PTPN2: variants seen among roughly 807,000 people sequenced by gnomAD.
PTPN2 encodes tyrosine-protein phosphatase non-receptor type 2.
A neutral mutation model predicts 57.3 loss-of-function variants in PTPN2; 19 were observed. That is an observed-to-expected ratio of 0.33 (90% confidence interval 0.23 to 0.49). The LOEUF is 0.49. PTPN2 is among the 20% of genes least tolerant of loss of function. The pLI, the probability that PTPN2 is intolerant of heterozygous loss-of-function variation, is 0.99. For missense variants in PTPN2, 358 were observed against 501.1 expected (o/e 0.71, Z 2.73); for synonymous variants, 153 against 164.9 (o/e 0.93, Z 0.55).
In PTPN2 at chr18:12,867,582, T is replaced by A. The variant is rs946409152; in HGVS notation, c.70-8328A>T. Among the ~76,000 whole-genome samples the A allele has an allele frequency of 7.9e-5, 12 of 152,310 alleles. No individual in the cohort carries two copies. In the South Asian group the frequency reaches 2.5e-3, roughly 32 times the overall value. Reference sequence around the variant, plus strand: ...ATATGTGCCAAGTCTTCATCGGAACTGGGTTAGCTTCTCCATTTGAGTCTT... The same window carrying A: ...ATATGTGCCAAGTCTTCATCGGAACAGGGTTAGCTTCTCCATTTGAGTCTT... On this transcript the variant is annotated intron_variant, in intron 1 of 8. Coordinates refer to ENST00000309660, the MANE Select transcript of PTPN2 (RefSeq NM_002828.4).
At chr18:12,876,149 A>G (rs2044479595) in intron 1 of PTPN2, among the ~76,000 whole-genome samples, 1 of 150,010 alleles carries the variant, frequency 6.7e-6, no homozygotes, top group South Asian at 2.1e-4. Flanking sequence ...CCTGTCTCAA[A>G]AAACAAAACA....
chr18:12,855,863 T>A (rs1291589044), intron 2 of PTPN2, among the ~76,000 whole-genome samples: 1 of 152,188 alleles, frequency 6.6e-6, no homozygotes, highest in Non-Finnish European at 1.5e-5. Context: ...TATTAATAGT[T>A]AGGTTAGAGG....
At chr18:12,797,886 T>G (rs527585069) in intron 8 of PTPN2, among the ~76,000 whole-genome samples, 5 of 152,082 alleles carry the variant, frequency 3.3e-5, no homozygotes, top group Admixed American at 6.5e-5. Context: ...CCCACCACAT[T>G]TGGCGGATTT....
At chr18:12,868,120 A>G (rs1280188839) in intron 1 of PTPN2, among the ~76,000 whole-genome samples, 1 of 152,250 alleles carries the variant, frequency 6.6e-6, no homozygotes, top group African/African-American at 2.4e-5. Flanking sequence ...GCTTGTTCTT[A>G]CCACTGCGCT....
intron 1 of PTPN2, among the ~76,000 whole-genome samples, chr18:12,878,296 G>T (rs1414889933): frequency 6.7e-6 from 1 of 150,324 alleles, no homozygotes; most frequent in Non-Finnish European, 1.5e-5. Context: ...CAGACTGGGT[G>T]ACAAAGTGAG....
At chr18:12,811,081 G>C (rs2041873984) in intron 7 of PTPN2, among the ~76,000 whole-genome samples, 1 of 152,228 alleles carries the variant, frequency 6.6e-6, no homozygotes, top group South Asian at 2.1e-4. Context: ...AATAACCTTA[G>C]GAGATAAGCA....
At chr18:12,869,111 C>T (rs543039010) in intron 1 of PTPN2, 9 of 152,314 alleles carry the variant, frequency 5.9e-5, no homozygotes, top group African/African-American at 2.2e-4. Flanking sequence ...GAACACACCA[C>T]TACACCCCAG....
At chr18:12,828,925 G>A (rs2042571069) in intron 4 of PTPN2, among the ~76,000 whole-genome samples, 1 of 152,032 alleles carries the variant, frequency 6.6e-6, no homozygotes, top group Admixed American at 6.5e-5. Context: ...TTGAGACAGG[G>A]TCTCGCTCTG....
At chr18:12,872,411 C>G (rs1348300945) in intron 1 of PTPN2, 1 of 152,148 alleles carries the variant, frequency 6.6e-6, no homozygotes, top group Non-Finnish European at 1.5e-5. Flanking sequence ...GTGACACGAA[C>G]CAAATGAAAC....
chr18:12,855,175 C>T, intron 2 of PTPN2, among the ~76,000 whole-genome samples: 1 of 152,106 alleles, frequency 6.6e-6, no homozygotes, highest in East Asian at 1.9e-4. Context: ...GGAGAAGAAG[C>T]ATGGGCTGAA....
chr18:12,801,631 T>C (rs919341019), intron 8 of PTPN2, among the ~76,000 whole-genome samples: 17 of 152,142 alleles, frequency 1.1e-4, no homozygotes, highest in Non-Finnish European at 2.9e-5. Context: ...GCAGTGGTGG[T>C]ATGTCAGCTC....
intron 7 of PTPN2, among the ~76,000 whole-genome samples, chr18:12,802,597 G>C (rs1324688132): frequency 6.6e-6 from 1 of 152,126 alleles, no homozygotes; most frequent in Admixed American, 6.6e-5. Context: ...CAGACATAGA[G>C]AATTCTAAAA....
At chr18:12,881,434 C>CAA (rs375162157) in intron 1 of PTPN2, among the ~76,000 whole-genome samples, 1 of 147,162 alleles carries the variant, frequency 6.8e-6, no homozygotes, top group African/African-American at 2.5e-5. Flanking sequence ...GGGACTCTGT[C>CAA]AAAAAAAAAA....
intron 1 of PTPN2, among the ~76,000 whole-genome samples, chr18:12,870,329 A>ATATGTGTGTGTG (rs1405265510): frequency 4.2e-5 from 3 of 71,840 alleles, no homozygotes; most frequent in African/African-American, 1.7e-4. Context: ...GTGTATATAT[A>ATATGTGTGTGTG]TGTATATATA....
intron 8 of PTPN2, among the ~76,000 whole-genome samples, chr18:12,795,794 A>G (rs552643666): frequency 2.0e-5 from 3 of 152,290 alleles, no homozygotes; most frequent in South Asian, 4.1e-4. Context: ...GGCAACATAT[A>G]GGTTACTATT....
chr18:12,805,967 G>C (rs569581186), intron 7 of PTPN2, among the ~76,000 whole-genome samples: 3 of 151,984 alleles, frequency 2.0e-5, no homozygotes, highest in Non-Finnish European at 4.4e-5. Flanking sequence ...GCATAATACT[G>C]TAAGTCCTAG....
Position 12,814,265 on chromosome 18 carries a change from T to G in PTPN2, c.796A>C (p.Arg266=). ...TCTATTATAGCCATGTATGAGAATC[T>G]CAGTTGATCTGGGGTCTGAATAAGA... ...MGLIQTPDQL[R]FSYMAIIEGA... is the part of the protein sequence containing the mutation. Residue 266 remains arginine (R), a synonymous_variant, in exon 7 of 9, where the codon AGA becomes CGA. Transcript: ENST00000309660. 6.2e-7 allele frequency: 1 copy of G among 1,608,204 alleles called. No homozygotes were observed. Among genetic ancestry groups the G allele is most frequent in the Non-Finnish European group, 8.5e-7 (1 of 1,175,820 alleles).
Position 12,860,088 on chromosome 18 carries a change from G to A in PTPN2, c.70-834C>T, listed in dbSNP as rs145162294. Among the ~76,000 whole-genome samples, 180 of 151,982 alleles carry A rather than the reference G, an allele frequency of 1.2e-3. 1 individual carries two copies. Among genetic ancestry groups the A allele is most frequent in the African/African-American group, 4.0e-3 (166 of 41,440 alleles). On this transcript the variant is annotated intron_variant, in intron 1 of 8. Transcript: ENST00000309660. ...GAATCACCTGAGGTCAGGAGTTTGAGACCAACCTGGCCAACAAAGCGAAAC... is the reference window on the plus strand; with the variant it reads ...GAATCACCTGAGGTCAGGAGTTTGAAACCAACCTGGCCAACAAAGCGAAAC...
intron 8 of PTPN2, among the ~76,000 whole-genome samples, chr18:12,798,224 T>C (rs887206476): frequency 6.6e-6 from 1 of 152,114 alleles, no homozygotes; most frequent in Non-Finnish European, 1.5e-5. Flanking sequence ...ACATCACACA[T>C]ACATATATAA....
Sources: gnomAD v4.1 joint callset for allele counts (sites outside exome capture counted in the v4.1 genomes callset) on GRCh38, gnomAD v4.1.1 for gene constraint, MANE v1.5 for transcripts, NCBI Gene and HGNC (gene_info 2026-07-23, HGNC 2026-07-21) for gene names.